Variants in TAFA2 observed in about 807,000 individuals in gnomAD.
The protein encoded by TAFA2 is chemokine-like protein TAFA-2.
TAFA2 carries 7 observed loss-of-function variants against 18.8 expected under a neutral mutation model. That is an observed-to-expected ratio of 0.37 (90% CI 0.21 to 0.70). TAFA2 has a LOEUF of 0.70. Among genes scored for constraint, TAFA2 ranks in the 30% least tolerant of loss-of-function variants. The probability of loss-of-function intolerance (pLI) is 0.53; values close to 1 mark genes in which losing one functional copy is unlikely to be tolerated. For synonymous variants in TAFA2, 60 were observed against 54.2 expected (o/e 1.11, Z -0.47); for missense variants, 122 against 158.1 (o/e 0.77, Z 1.23).
At chr12:62,079,056 C>T (rs1376687326) in intron 1 of TAFA2, among the ~76,000 whole-genome samples, 2 of 152,134 alleles carry the variant, frequency 1.3e-5, no homozygotes, top group South Asian at 2.1e-4. Context: ...CTAAAGGACT[C>T]GAGTGTTGCC....
Position 62,090,574 on chromosome 12 carries a change from T to C in TAFA2, c.-2+100685A>G, listed in dbSNP as rs1051227445. Among the ~76,000 whole-genome samples the C allele has an allele frequency of 3.9e-5, 6 of 152,004 alleles. No homozygotes were observed. In the East Asian group the frequency reaches 5.8e-4, roughly 15 times the overall value. On this transcript the variant is annotated intron_variant, in intron 1 of 4. Transcript: ENST00000416284. ...TTTTCCTTTGGCAATCAAGAAATCG[T>C]TGGGGACAGAAATAGAGTCACTACC...
intron 1 of TAFA2, among the ~76,000 whole-genome samples, chr12:62,045,306 C>T (rs1027962322): frequency 3.9e-5 from 6 of 152,144 alleles, no homozygotes; most frequent in African/African-American, 1.4e-4. Context: ...CACACATTCT[C>T]TTAATCTGTT....
At chr12:62,210,553 T>C (rs899610467) in intron 1 of TAFA2, among the ~76,000 whole-genome samples, 4 of 152,204 alleles carry the variant, frequency 2.6e-5, no homozygotes, top group African/African-American at 9.6e-5. Flanking sequence ...GATGCTAACA[T>C]TTTTAGACAA....
chr12:61,790,001 G>A (rs979340763), intron 2 of TAFA2, among the ~76,000 whole-genome samples: 2 of 151,754 alleles, frequency 1.3e-5, no homozygotes, highest in African/African-American at 4.8e-5. Flanking sequence ...AATAGCACAT[G>A]ATAAAGATCA....
At chr12:62,184,602 T>TC (rs902775397) in intron 1 of TAFA2, among the ~76,000 whole-genome samples, 1 of 145,480 alleles carries the variant, frequency 6.9e-6, no homozygotes, top group African/African-American at 2.5e-5. Flanking sequence ...CAAGTGATCC[T>TC]CCCCCCTCTC....
chr12:62,145,558 A>T (rs1339243613), intron 1 of TAFA2: 1 of 152,260 alleles, frequency 6.6e-6, no homozygotes, highest in African/African-American at 2.4e-5. Context: ...AAATATATTC[A>T]TGAACTCATC....
intron 1 of TAFA2, among the ~76,000 whole-genome samples, chr12:61,961,422 G>A (rs1878881558): frequency 6.6e-6 from 1 of 151,842 alleles, no homozygotes; most frequent in African/African-American, 2.4e-5. Flanking sequence ...CATTTTTGCA[G>A]GTTAAATTAT....
chr12:62,112,382 G>T (rs1020471584), intron 1 of TAFA2, among the ~76,000 whole-genome samples: 2 of 152,174 alleles, frequency 1.3e-5, no homozygotes, highest in Non-Finnish European at 2.9e-5. Context: ...ACTTCCCTTT[G>T]TGGGTAACCC....
chr12:61,778,492 A>T (rs1870366290), intron 2 of TAFA2, among the ~76,000 whole-genome samples: 2 of 151,652 alleles, frequency 1.3e-5, no homozygotes, highest in Admixed American at 1.3e-4. Context: ...CTCTCACCCT[A>T]GCTCTCATTC....
intron 2 of TAFA2, among the ~76,000 whole-genome samples, chr12:61,770,922 T>C (rs975163868): frequency 2.0e-5 from 3 of 152,118 alleles, no homozygotes; most frequent in African/African-American, 7.2e-5. Context: ...ATAAATGGCC[T>C]AAATGTTCCA....
rs2062816923 is a variant in TAFA2, at chr12:62,232,681, T to G, written c.-130+26082A>C. 2.0e-5 allele frequency among the ~76,000 whole-genome samples: 3 copies of G among 152,174 alleles called. No individual in the cohort carries two copies. In the South Asian group the frequency reaches 6.2e-4, roughly 32 times the overall value. On this transcript the variant is annotated intron_variant, in intron 1 of 5. Transcript: ENST00000551619. ...CACCCACCATCATGCCCGGCTAATT[T>G]TTGTATTTTTAGTAGAGATAGGGTT...
chr12:62,186,430 T>C (rs2062586415), intron 1 of TAFA2, among the ~76,000 whole-genome samples: 1 of 152,196 alleles, frequency 6.6e-6, no homozygotes, highest in Admixed American at 6.5e-5. Flanking sequence ...AGGAGACTTG[T>C]TCAGCTGGTT....
chr12:61,864,032 C>G (rs973509456), intron 2 of TAFA2, among the ~76,000 whole-genome samples: 4 of 152,154 alleles, frequency 2.6e-5, no homozygotes, highest in Admixed American at 6.5e-5. Context: ...CTCTAGCCTG[C>G]TTCACTTGCT....
chr12:62,211,971 A>G (rs1052303896), intron 1 of TAFA2, among the ~76,000 whole-genome samples: 3 of 152,254 alleles, frequency 2.0e-5, no homozygotes, highest in African/African-American at 4.8e-5. Flanking sequence ...TTTACATTTC[A>G]AAGTAAATAC....
intron 4 of TAFA2, among the ~76,000 whole-genome samples, chr12:61,733,422 T>C (rs1467941506): frequency 6.6e-6 from 1 of 152,124 alleles, no homozygotes; most frequent in Non-Finnish European, 1.5e-5. Flanking sequence ...CGTTTAAGTC[T>C]TTAATCCATC....
intron 1 of TAFA2, among the ~76,000 whole-genome samples, chr12:61,910,100 T>TTGTGTGTG (rs71083963): frequency 1.4e-5 from 2 of 144,906 alleles, no homozygotes; most frequent in Middle Eastern, 3.6e-3. Flanking sequence ...GTGTGTGTGT[T>TTGTGTGTG]TGTGTGTGTG....
chr12:61,929,589 C>T (rs928332670), intron 1 of TAFA2, among the ~76,000 whole-genome samples: 24 of 151,862 alleles, frequency 1.6e-4, no homozygotes, highest in African/African-American at 2.2e-4. Context: ...TTGTGGAAGT[C>T]GATGTGGCGA....
chr12:61,866,800 T>TA (rs1874372528), intron 2 of TAFA2, among the ~76,000 whole-genome samples: 1 of 152,206 alleles, frequency 6.6e-6, no homozygotes, highest in African/African-American at 2.4e-5. Context: ...ATAGACATAT[T>TA]ATTGAGATAC....
At chr12:62,114,979 T>C (rs1023746250) in intron 1 of TAFA2, among the ~76,000 whole-genome samples, 2 of 152,208 alleles carry the variant, frequency 1.3e-5, no homozygotes, top group African/African-American at 4.8e-5. Context: ...AATTAAAAAT[T>C]GACTGATCTT....
Sources: allele counts gnomAD v4.1 joint callset (sites outside exome capture counted in the v4.1 genomes callset), GRCh38; gene constraint gnomAD v4.1.1; transcripts MANE v1.5; gene names NCBI Gene and HGNC (gene_info 2026-07-23, HGNC 2026-07-21).